The following ST13 variants were observed in gnomAD, a reference collection of about 807,000 sequenced individuals.
ST13 encodes hsc70-interacting protein.
A neutral mutation model predicts 56.7 loss-of-function variants in ST13; 23 were observed. The ratio of observed to expected loss-of-function variants is 0.41; its 90% CI spans 0.29 to 0.57. The LOEUF (loss-of-function observed/expected upper bound fraction) is 0.57, where lower values mean the gene tolerates loss of function less well. Ranked by LOEUF, ST13 falls within the 20% of genes least tolerant of loss-of-function variation. The pLI is 0.36. For synonymous variants in ST13, 132 were observed against 142.4 expected, an observed-to-expected ratio of 0.93 and a Z score of 0.52; for missense variants, 369 against 459.9, an observed-to-expected ratio of 0.80 and a Z score of 1.81.
rs890596513 is a variant in ST13 at position 40,838,752 on chromosome 22, C to A, written c.382+1874G>T. 3.9e-5 allele frequency among the ~76,000 whole-genome samples: 6 copies of A among 152,180 alleles called. No individual in the cohort carries two copies. In the East Asian group the frequency reaches 1.2e-3, roughly 29 times the overall value. ...CTCCAAACTGAGTGGCAGAGTAAGA[C>A]TCTGTCTCTTAAAATTTAGGTGGTA... On this transcript the variant is annotated intron_variant, in intron 5 of 11. Transcript: ENST00000216218.
chr22:40,852,343 G>A (rs1948492847), intron 1 of ST13, among the ~76,000 whole-genome samples: 1 of 152,056 alleles, frequency 6.6e-6, no homozygotes, highest in Non-Finnish European at 1.5e-5. Flanking sequence ...AGACTTTTTT[G>A]TACAGTTCAA....
chr22:40,829,210 A>G (rs921014699), intron 10 of ST13, among the ~76,000 whole-genome samples: 32 of 152,190 alleles, frequency 2.1e-4, no homozygotes, highest in African/African-American at 7.5e-4. Flanking sequence ...TCCTTAAGAG[A>G]AAGCTAGTTA....
At chr22:40,832,349 A>C (rs2057757978) in intron 8 of ST13, 1 of 542,202 alleles carries the variant, frequency 1.8e-6, no homozygotes, top group African/African-American at 1.9e-5. Flanking sequence ...AGGCTTCCAA[A>C]CAAAGTAACA....
At chr22:40,850,260 G>C (rs979126106) in intron 2 of ST13, among the ~76,000 whole-genome samples, 1 of 152,090 alleles carries the variant, frequency 6.6e-6, no homozygotes, top group African/African-American at 2.4e-5. Context: ...TTTGTCTCAG[G>C]AAAGAAAAAA....
At chr22:40,834,760 T>A (rs939926696) in intron 7 of ST13, among the ~76,000 whole-genome samples, 3 of 152,222 alleles carry the variant, frequency 2.0e-5, no homozygotes, top group African/African-American at 7.2e-5. Flanking sequence ...CTTGGACTAA[T>A]GGGATTTCAA....
chr22:40,828,408 TC>T (rs2057738586), intron 10 of ST13, among the ~76,000 whole-genome samples: 1 of 148,696 alleles, frequency 6.7e-6, no homozygotes, highest in Non-Finnish European at 1.5e-5. Flanking sequence ...ATCGAGACCA[TC>T]CTGGCTAACA....
At chr22:40,831,088 G>A in intron 8 of ST13, 132 bp from the exon 9 acceptor site, 1 of 631,972 alleles carries the variant, frequency 1.6e-6, no homozygotes, top group Non-Finnish European at 2.7e-6. Context: ...TGTACAAAAA[G>A]ACCTAACACA....
At chr22:40,844,699 C>G (rs1047888861) in intron 4 of ST13, 140 bp downstream of exon 4, 1 of 651,068 alleles carries the variant, frequency 1.5e-6, no homozygotes, top group African/African-American at 1.8e-5. Context: ...TAGTAAAATA[C>G]AATGCTTGCC....
At position 40,848,386 on chromosome 22, in the gene ST13, A is replaced by G. The variant is rs752359354; in HGVS notation, c.169-17T>C. 6.7e-7 allele frequency: 1 copy of G among 1,502,782 alleles called. No individual in the cohort carries two copies. The highest frequency in any genetic ancestry group is 1.7e-5 in the Admixed American group (1 of 59,886). 93.1% of individuals were successfully genotyped at this position (1,502,782 alleles called of 1,614,324 possible). A position where few individuals can be genotyped will look rare whatever the true frequency, so the allele number is the denominator to read the frequency against. ...TTTTTCTTCCTAGCAAAGGGAAGAC[A>G]AACAGTACTATCAGTATTTAATAAC... On this transcript the variant is annotated splice_polypyrimidine_tract_variant and intron_variant, in intron 2 of 11. Coordinates refer to ENST00000216218, the MANE Select transcript of ST13 (RefSeq NM_003932.5).
chr22:40,853,412 A>G (rs1176992121), intron 1 of ST13, among the ~76,000 whole-genome samples: 2 of 152,200 alleles, frequency 1.3e-5, no homozygotes, highest in Non-Finnish European at 2.9e-5. Flanking sequence ...TCCCATCCCA[A>G]ATTCTAGTTA....
In ST13 at chr22:40,827,157, A is replaced by G; in HGVS notation, c.920T>C (p.Met307Thr). Residue 307 changes from methionine (M) to threonine (T), a missense_variant, in exon 11 of 12, where the codon ATG (methionine) becomes ACG (threonine). Transcript: ENST00000216218. ...MPGMGGGMPG[M>T]AGMPGLNEIL... ...TTCATTGAGTCCAGGCATTCCAGCC[A>G]TTCCAGGCATGCCCCCTCCCATTCC... is the stretch of plus-strand genomic sequence containing the variant. The G allele has an allele frequency of 6.2e-7, 1 of 1,612,710 alleles. No homozygotes were observed. Among genetic ancestry groups the G allele is most frequent in the Non-Finnish European group, 8.5e-7 (1 of 1,180,024 alleles).
chr22:40,845,257 C>T (rs1203315677), intron 3 of ST13, among the ~76,000 whole-genome samples: 2 of 152,084 alleles, frequency 1.3e-5, no homozygotes, highest in Non-Finnish European at 2.9e-5. Flanking sequence ...CACTGATGTA[C>T]TATGTTTTTC....
At chr22:40,838,038 T>G (rs556217657) in intron 5 of ST13, among the ~76,000 whole-genome samples, 1 of 152,166 alleles carries the variant, frequency 6.6e-6, no homozygotes, top group Non-Finnish European at 1.5e-5. Context: ...GGCTCCTCCA[T>G]ACATTTAGTT....
chr22:40,828,009 T>C (rs975433980), intron 10 of ST13, among the ~76,000 whole-genome samples: 1 of 152,252 alleles, frequency 6.6e-6, no homozygotes. Context: ...GTTTAGGTTT[T>C]TGTTTCAACT....
At chr22:40,826,774 G>C in intron 11 of ST13, 108 bp from the exon 12 acceptor site, 1 of 1,291,938 alleles carries the variant, frequency 7.7e-7, no homozygotes, top group Non-Finnish European at 1.1e-6. Context: ...TGATAGTTAA[G>C]TTAAATGGGG....
rs760877659 is a variant in ST13, at chr22:40,856,566, G to T, written c.-26C>A. 1.9e-6 allele frequency: 3 copies of T among 1,589,796 alleles called. No individual in the cohort carries two copies. Among genetic ancestry groups the T allele is most frequent in the African/African-American group, 1.3e-5 (1 of 74,518 alleles). ...GGTAGGGAGGTGGTGGGCGAAACTG[G>T]GGGGGCTACGGCCCGGTTCCAGGCC... On this transcript the variant is annotated 5_prime_UTR_variant, in exon 1 of 12. Coordinates refer to ENST00000216218, the MANE Select transcript of ST13 (RefSeq NM_003932.5).
intron 5 of ST13, among the ~76,000 whole-genome samples, chr22:40,837,312 AT>A (rs966906904): frequency 9.2e-5 from 14 of 152,006 alleles, no homozygotes; most frequent in Non-Finnish European, 1.5e-4. Context: ...CAAAACCTAA[AT>A]TTTTTTTATG....
At position 40,825,598 on chromosome 22, in the gene ST13, A is replaced by G. The variant is rs1017508479; in HGVS notation, c.*940T>C. 2.6e-5 allele frequency: 4 copies of G among 152,136 alleles called. No individual in the cohort carries two copies. Among genetic ancestry groups the G allele is most frequent in the African/African-American group, 9.7e-5 (4 of 41,442 alleles). 9.4% of individuals were successfully genotyped at this position (152,136 alleles called of 1,614,324 possible). On this transcript the variant is annotated 3_prime_UTR_variant, in exon 12 of 12. Transcript: ENST00000216218. ...CATATTAAATTAAACTCAGCATTAAATATGCTTGTATAATTACGCTGTTAA... is the reference window on the plus strand; with the variant it reads ...CATATTAAATTAAACTCAGCATTAAGTATGCTTGTATAATTACGCTGTTAA...
intron 2 of ST13, among the ~76,000 whole-genome samples, chr22:40,849,334 C>T (rs753730363): frequency 1.3e-5 from 2 of 151,722 alleles, no homozygotes; most frequent in African/African-American, 4.8e-5. Flanking sequence ...AAAAATTAGC[C>T]GGACGTGGTG....
Sources: gnomAD v4.1 joint callset for allele counts (sites outside exome capture counted in the v4.1 genomes callset) on GRCh38, gnomAD v4.1.1 for gene constraint, MANE v1.5 for transcripts, NCBI Gene and HGNC (gene_info 2026-07-23, HGNC 2026-07-21) for gene names.